Variants in SLC26A8 observed in about 807,000 individuals in gnomAD.
SLC26A8 encodes solute carrier family 26 member 8, also known as testis anion transporter 1.
SLC26A8 carries 70 observed loss-of-function variants against 105.0 expected under a neutral mutation model. That is an observed-to-expected ratio of 0.67 (90% CI 0.55 to 0.81). The LOEUF is 0.81. SLC26A8 is among the 40% of genes least tolerant of loss of function. The pLI is 0.00. For synonymous variants in SLC26A8, 415 were observed against 438.3 expected (o/e 0.95, Z 0.66); for missense variants, 998 against 1,181.8 (o/e 0.84, Z 2.28).
rs2127331571 is a variant in SLC26A8, at chr6:35,981,729, T to G, written c.1025+392A>C. Among the ~76,000 whole-genome samples, 1 of 152,272 alleles carries G rather than the reference T, an allele frequency of 6.6e-6. No individual in the cohort carries two copies. Among genetic ancestry groups the G allele is most frequent in the South Asian group, 2.1e-4 (1 of 4,820 alleles). On this transcript the variant is annotated intron_variant, in intron 8 of 19. Transcript: ENST00000490799. This position sits in a 1 kb window ranked among gnomAD's most constrained non-coding sequence, Gnocchi z 4.0. ...TAAGTTTGTGAAGGCAAAAGGAACG[T>G]TCATCTTCTGAACACAGAGCCACAG...
In SLC26A8 at chr6:35,968,871, A is replaced by G. The variant is rs1429030890; in HGVS notation, c.1365+6T>C. ...TTGACTTAGTTATTTGATCAGTTCTACTTACATTTGGCAGTGTGTAGAAAA... is the reference window on the plus strand; with the variant it reads ...TTGACTTAGTTATTTGATCAGTTCTGCTTACATTTGGCAGTGTGTAGAAAA... On this transcript the variant is annotated splice_donor_region_variant and intron_variant, in intron 11 of 19. Coordinates refer to ENST00000490799, the MANE Select transcript of SLC26A8 (RefSeq NM_052961.4). 4.7e-6 allele frequency: 7 copies of G among 1,501,254 alleles called. No homozygotes were observed. The highest frequency in any genetic ancestry group is 6.3e-6 in the Non-Finnish European group (7 of 1,114,938). 93.0% of individuals were successfully genotyped at this position (1,501,254 alleles called of 1,614,324 possible). A position where few individuals can be genotyped will look rare whatever the true frequency, so the allele number is the denominator to read the frequency against.
At chr6:35,984,073 C>T (rs1480924333) in intron 7 of SLC26A8, among the ~76,000 whole-genome samples, 1 of 152,168 alleles carries the variant, frequency 6.6e-6, no homozygotes, top group Non-Finnish European at 1.5e-5. Context: ...GTGGCAGAAA[C>T]TGTGTCCCCA....
intron 11 of SLC26A8, among the ~76,000 whole-genome samples, chr6:35,965,138 G>A (rs1772458168): frequency 1.3e-5 from 2 of 152,242 alleles, no homozygotes; most frequent in African/African-American, 4.8e-5. Context: ...ACTATGCAAA[G>A]TGATATCCAT....
intron 3 of SLC26A8, 88 bp from the exon 4 acceptor site, chr6:36,000,196 C>A: frequency 1.2e-6 from 1 of 861,498 alleles, no homozygotes; most frequent in Non-Finnish European, 1.9e-6. Flanking sequence ...AAATAAAAAT[C>A]ATCCATGTGT....
At chr6:35,966,147 G>A (rs930122273) in intron 11 of SLC26A8, among the ~76,000 whole-genome samples, 1 of 152,102 alleles carries the variant, frequency 6.6e-6, no homozygotes, top group Non-Finnish European at 1.5e-5. Context: ...CTGAGTCCAC[G>A]CTTACTCTGG....
At chr6:35,954,398 A>C (rs1771980431) in intron 17 of SLC26A8, among the ~76,000 whole-genome samples, 1 of 152,230 alleles carries the variant, frequency 6.6e-6, no homozygotes, top group South Asian at 2.1e-4. Flanking sequence ...AGTACAAGAC[A>C]GCCCAGTGCC....
intron 2 of SLC26A8, among the ~76,000 whole-genome samples, chr6:36,013,627 C>T (rs1761922060): frequency 6.6e-6 from 1 of 152,148 alleles, no homozygotes; most frequent in African/African-American, 2.4e-5. Context: ...ACTTTTAGAT[C>T]ATCTAAAACA....
At chr6:36,021,242 A>G (rs851030) in intron 1 of SLC26A8, among the ~76,000 whole-genome samples, 99,286 of 151,374 alleles carry the variant, frequency 0.66, 33,045 homozygotes, top group Middle Eastern at 0.74. Flanking sequence ...GTATTTTACA[A>G]TATATTACTT....
chr6:35,981,992 C>G lies in SLC26A8; in HGVS notation c.1025+129G>C. 1 of 863,712 alleles carries G rather than the reference C, an allele frequency of 1.2e-6. No homozygotes were observed. Among genetic ancestry groups the G allele is most frequent in the Non-Finnish European group, 1.8e-6 (1 of 545,814 alleles). 53.5% of individuals were successfully genotyped at this position (863,712 alleles called of 1,614,324 possible). On this transcript the variant is annotated intron_variant, in intron 8 of 19. Coordinates refer to ENST00000490799, the MANE Select transcript of SLC26A8 (RefSeq NM_052961.4). This position sits in a 1 kb window ranked among gnomAD's most constrained non-coding sequence, Gnocchi z 4.0. ...CTAGCCCTTCTCCTTTCATGAACCT[C>G]TGTGTTCAAAAATGAATTTTGCTTT...
intron 11 of SLC26A8, among the ~76,000 whole-genome samples, chr6:35,963,400 T>C (rs956898452): frequency 6.6e-6 from 1 of 152,180 alleles, no homozygotes; most frequent in African/African-American, 2.4e-5. Context: ...TTTACAACCC[T>C]AAGCTCCCGC....
chr6:36,013,458 G>T (rs1317085995), intron 2 of SLC26A8, among the ~76,000 whole-genome samples: 2 of 152,164 alleles, frequency 1.3e-5, no homozygotes, highest in Admixed American at 6.5e-5. Context: ...TAGGATTACA[G>T]GCATAAGCCA....
chr6:35,984,630 G>C (rs2127338011), intron 7 of SLC26A8, among the ~76,000 whole-genome samples: 1 of 152,104 alleles, frequency 6.6e-6, no homozygotes, highest in East Asian at 1.9e-4. Context: ...GGCCCCCAGA[G>C]GAATATCTTG....
intron 2 of SLC26A8, 65 bp from the exon 3 acceptor site, chr6:36,012,437 A>C: frequency 6.6e-7 from 1 of 1,518,532 alleles, no homozygotes; most frequent in Non-Finnish European, 8.8e-7. Flanking sequence ...TAGCCAAGAA[A>C]AGGCATTTGG....
At chr6:35,992,063 G>C (rs1387840901) in intron 6 of SLC26A8, among the ~76,000 whole-genome samples, 1 of 152,156 alleles carries the variant, frequency 6.6e-6, no homozygotes, top group Non-Finnish European at 1.5e-5. Flanking sequence ...ACAGGCCCTA[G>C]AAGTTCTGTT....
chr6:35,955,585 C>T (rs899606949), intron 16 of SLC26A8, 65 bp from the exon 17 acceptor site: 5 of 1,564,934 alleles, frequency 3.2e-6, no homozygotes, highest in African/African-American at 2.7e-5. Flanking sequence ...GGACTTGCAA[C>T]GATGCTATTT....
intron 3 of SLC26A8, among the ~76,000 whole-genome samples, chr6:36,006,287 T>G (rs1238551463): frequency 1.3e-5 from 2 of 152,148 alleles, no homozygotes; most frequent in Non-Finnish European, 2.9e-5. Flanking sequence ...ACCTGGCTAA[T>G]TTTTGTATTT....
chr6:35,950,075 G>A (rs1042470167), intron 19 of SLC26A8, among the ~76,000 whole-genome samples: 19 of 152,146 alleles, frequency 1.2e-4, no homozygotes, highest in African/African-American at 4.3e-4. Context: ...GGGATTACAG[G>A]CGTGAGCCAT....
intron 11 of SLC26A8, among the ~76,000 whole-genome samples, chr6:35,964,037 C>T (rs181070689): frequency 1.9e-3 from 288 of 151,940 alleles, no homozygotes; most frequent in African/African-American, 6.8e-3. Context: ...TAGTGAGACA[C>T]CATCTCTACA....
Position 35,943,976 on chromosome 6 carries a change from C to CGAGTCT in SLC26A8, c.2831_2836dup (p.Gln944_Thr945dup), listed in dbSNP as rs770520733. On this transcript the variant is annotated inframe_insertion, in exon 20 of 20. Coordinates refer to ENST00000490799, the MANE Select transcript of SLC26A8 (RefSeq NM_052961.4). ...GCGTCTCCTCTCCACTGACCATGTC[C>CGAGTCT]GAGTCTGAGTCTGAGACTGGGTGGA... 1.9e-6 allele frequency: 3 copies of CGAGTCT among 1,614,158 alleles called. No individual in the cohort carries two copies. The highest frequency in any genetic ancestry group is 2.5e-6 in the Non-Finnish European group (3 of 1,180,022).
Sources: gnomAD v4.1 joint callset for allele counts (sites outside exome capture counted in the v4.1 genomes callset) on GRCh38, gnomAD v4.1.1 for gene constraint, Gnocchi (gnomAD v3.1) non-coding constraint, MANE v1.5 for transcripts, NCBI Gene and HGNC (gene_info 2026-07-23, HGNC 2026-07-21) for gene names.